Variants in FOCAD observed in about 807,000 individuals in gnomAD.
FOCAD encodes focadhesin.
A neutral mutation model predicts 225.6 loss-of-function variants in FOCAD; 198 were observed. That is an observed-to-expected ratio of 0.88 (90% CI 0.78 to 0.99). The LOEUF (loss-of-function observed/expected upper bound fraction) is 0.99, where lower values mean the gene tolerates loss of function less well. FOCAD is among the 50% of genes least tolerant of loss of function. The pLI is 0.00. For missense variants in FOCAD, 2,713 were observed against 2,123.6 expected (o/e 1.28, Z -5.46); for synonymous variants, 897 against 755.0 (o/e 1.19, Z -3.08).
intron 15 of FOCAD, among the ~76,000 whole-genome samples, chr9:20,859,874 A>T (rs1419590242): frequency 6.6e-6 from 1 of 151,912 alleles, no homozygotes; most frequent in African/African-American, 2.4e-5. Flanking sequence ...ATAGAGACAG[A>T]AAGTAGATTT....
chr9:20,944,850 A>G (rs141353676), intron 29 of FOCAD, 76 bp downstream of exon 29: 105 of 1,429,842 alleles, frequency 7.3e-5, no homozygotes, highest in Non-Finnish European at 9.0e-5. Flanking sequence ...TGGACTTACC[A>G]TATTTTGGTA....
intron 35 of FOCAD, among the ~76,000 whole-genome samples, chr9:20,967,536 C>T (rs1278256284): frequency 6.6e-6 from 1 of 152,028 alleles, no homozygotes; most frequent in East Asian, 1.9e-4. Context: ...TTAGAACATC[C>T]AGTACAAAGT....
At chr9:20,859,029 A>G (rs1011275729) in intron 15 of FOCAD, among the ~76,000 whole-genome samples, 1 of 151,984 alleles carries the variant, frequency 6.6e-6, no homozygotes, top group Non-Finnish European at 1.5e-5. Flanking sequence ...AGAATATTTC[A>G]TTTGCTCCTC....
chr9:20,948,792 A>G (rs1382556047), intron 31 of FOCAD, 59 bp from the exon 32 acceptor site: 60 of 1,573,726 alleles, frequency 3.8e-5, no homozygotes, highest in Non-Finnish European at 4.9e-5. Flanking sequence ...CAGAAGTTTT[A>G]TAGAATCTAA....
chr9:20,876,341 A>G (rs1403149179), intron 19 of FOCAD, among the ~76,000 whole-genome samples: 1 of 152,206 alleles, frequency 6.6e-6, no homozygotes, highest in Non-Finnish European at 1.5e-5. Flanking sequence ...GAAATAACCT[A>G]GAGTCAGAAG....
chr9:20,915,396 AAG>A (rs1587596419), intron 23 of FOCAD, among the ~76,000 whole-genome samples: 1 of 152,202 alleles, frequency 6.6e-6, no homozygotes, highest in South Asian at 2.1e-4. Flanking sequence ...AGAGAACCAA[AAG>A]AGAGTAAAAT....
At chr9:20,660,599 C>T (rs1233580838) in intron 2 of FOCAD, among the ~76,000 whole-genome samples, 2 of 152,112 alleles carry the variant, frequency 1.3e-5, no homozygotes, top group African/African-American at 2.4e-5. Flanking sequence ...AAAAGAAGAT[C>T]CGAAGAGACA....
chr9:20,753,036 T>C (rs1226959468), intron 5 of FOCAD, among the ~76,000 whole-genome samples: 1 of 151,972 alleles, frequency 6.6e-6, no homozygotes, highest in Non-Finnish European at 1.5e-5. Context: ...CTGAAGTTGC[T>C]TATCAGCTTA....
chr9:20,839,548 A>G (rs1355520889), intron 15 of FOCAD, among the ~76,000 whole-genome samples: 1 of 152,116 alleles, frequency 6.6e-6, no homozygotes, highest in African/African-American at 2.4e-5. Flanking sequence ...GGTGTGAGCC[A>G]CTGCAACCAG....
chr9:20,976,903 T>C (rs191249095), intron 36 of FOCAD, among the ~76,000 whole-genome samples: 1 of 152,172 alleles, frequency 6.6e-6, no homozygotes, highest in African/African-American at 2.4e-5. Flanking sequence ...CTGTATTAAT[T>C]TTCTATTGCT....
intron 31 of FOCAD, 140 bp from the exon 32 acceptor site, chr9:20,948,711 G>A: frequency 1.2e-6 from 1 of 805,682 alleles, no homozygotes; most frequent in East Asian, 2.7e-5. Flanking sequence ...TGCCATTTTT[G>A]GTTCAGTTAT....
intron 15 of FOCAD, among the ~76,000 whole-genome samples, chr9:20,825,002 T>C (rs930519966): frequency 2.0e-5 from 3 of 152,144 alleles, no homozygotes; most frequent in Admixed American, 6.6e-5. Flanking sequence ...ACTGCATTAC[T>C]ATTAATTTTG....
chr9:20,917,002 AT>A, intron 24 of FOCAD, 65 bp downstream of exon 24: 1 of 1,305,718 alleles, frequency 7.7e-7, no homozygotes, highest in South Asian at 1.4e-5. Flanking sequence ...AGGTACATAC[AT>A]TTTCTCCTTT....
intron 11 of FOCAD, among the ~76,000 whole-genome samples, chr9:20,794,210 TAGAGA>T (rs1820829297): frequency 6.6e-6 from 1 of 152,102 alleles, no homozygotes; most frequent in Non-Finnish European, 1.5e-5. Context: ...TAACAGAACT[TAGAGA>T]GCAGGAGGTA....
chr9:20,951,391 C>T (rs1383864987), intron 34 of FOCAD, among the ~76,000 whole-genome samples: 1 of 152,104 alleles, frequency 6.6e-6, no homozygotes, highest in East Asian at 1.9e-4. Flanking sequence ...CATTCAGTGT[C>T]CTGTATTTCA....
intron 40 of FOCAD, among the ~76,000 whole-genome samples, chr9:20,986,949 A>G (rs1238399393): frequency 1.3e-5 from 2 of 152,220 alleles, no homozygotes; most frequent in Non-Finnish European, 2.9e-5. Context: ...AGCTCTGCTA[A>G]TGAATCACAT....
intron 11 of FOCAD, among the ~76,000 whole-genome samples, chr9:20,793,542 A>T (rs1209927387): frequency 6.6e-6 from 1 of 152,176 alleles, no homozygotes; most frequent in Non-Finnish European, 1.5e-5. Flanking sequence ...GTAACTTTTC[A>T]GTTCAACCCC....
chr9:20,801,145 G>A (rs994166152), intron 11 of FOCAD, among the ~76,000 whole-genome samples: 1 of 152,108 alleles, frequency 6.6e-6, no homozygotes, highest in Non-Finnish European at 1.5e-5. Context: ...TATCAGCAGC[G>A]GAGGCTGCAG....
chr9:20,981,543 C>G lies in FOCAD; in HGVS notation c.4495C>G (p.Pro1499Ala), dbSNP rs117591845. Residue 1499 changes from proline (P) to alanine (A), a missense_variant, in exon 38 of 44, where the codon CCA becomes GCA. By Grantham distance (27) the Pro-to-Ala change is conservative (BLOSUM62 -1). Coordinates refer to ENST00000338382, the MANE Select transcript of FOCAD (RefSeq NM_001375567.1). ...GGTGGCAGTTTTTAAAGCAGCTTCC[C>G]CACTTGGAAGTCCTGAGCTATGCCC... ...LMVAVFKAAS[P>A]LGSPELCPSA... 1.9e-6 allele frequency: 3 copies of G among 1,613,910 alleles called. No individual in the cohort carries two copies. Among genetic ancestry groups the G allele is most frequent in the African/African-American group, 2.7e-5 (2 of 74,904 alleles).
Sources: gnomAD v4.1 joint callset for allele counts (sites outside exome capture counted in the v4.1 genomes callset) on GRCh38, gnomAD v4.1.1 for gene constraint, MANE v1.5 for transcripts, NCBI Gene and HGNC (gene_info 2026-07-23, HGNC 2026-07-21) for gene names.